The following ARFIP1 variants were observed in gnomAD, a reference collection of about 807,000 sequenced individuals.
ARFIP1 encodes the protein ARF interacting protein 1, also known as arfaptin-1.
In ARFIP1, 24 loss-of-function variants were observed where a neutral mutation model predicts 42.5. That is an observed-to-expected ratio of 0.57 (90% CI 0.41 to 0.80). The LOEUF (loss-of-function observed/expected upper bound fraction) is 0.80, where lower values mean the gene tolerates loss of function less well. ARFIP1 is among the 30% of genes least tolerant of loss of function. The pLI, the probability that ARFIP1 is intolerant of heterozygous loss-of-function variation, is 0.00. For synonymous variants in ARFIP1, 141 were observed against 153.7 expected (o/e 0.92, Z 0.61); for missense variants, 354 against 434.0 (o/e 0.82, Z 1.64).
chr4:152,785,325 TCAC>T (rs1282989468), intron 1 of ARFIP1, among the ~76,000 whole-genome samples: 1 of 152,214 alleles, frequency 6.6e-6, no homozygotes, highest in African/African-American at 2.4e-5. Flanking sequence ...GCAGATAACA[TCAC>T]CACATTAGAA....
At chr4:152,801,692 T>C (rs1728438642) in intron 1 of ARFIP1, among the ~76,000 whole-genome samples, 1 of 152,174 alleles carries the variant, frequency 6.6e-6, no homozygotes, top group African/African-American at 2.4e-5. Flanking sequence ...GTGGTCTGTT[T>C]TAGAAAAGTA....
intron 8 of ARFIP1, among the ~76,000 whole-genome samples, chr4:152,890,258 G>T (rs1390357035): frequency 2.6e-5 from 4 of 152,060 alleles, no homozygotes; most frequent in Non-Finnish European, 5.9e-5. Flanking sequence ...TGTGGCCTTG[G>T]AATGTGTACA....
chr4:152,906,162 G>A (rs1164000654), intron 8 of ARFIP1, among the ~76,000 whole-genome samples: 3 of 152,056 alleles, frequency 2.0e-5, no homozygotes, highest in Admixed American at 1.3e-4. Flanking sequence ...CAAGGGTCAA[G>A]GTTCATTTTT....
At chr4:152,861,003 T>G (rs894155849) in intron 2 of ARFIP1, among the ~76,000 whole-genome samples, 1 of 152,204 alleles carries the variant, frequency 6.6e-6, no homozygotes, top group African/African-American at 2.4e-5. Context: ...CAAATTGGCT[T>G]TTTTATACTT....
chr4:152,835,765 T>TA lies in ARFIP1; in HGVS notation c.93+6047dup, dbSNP rs1040987889. Reference sequence around the variant, plus strand: ...GAAATACATGAAACTGGGTAATTTATAAAAAAAAGAGTTTTATTTGGCTCA... The same window carrying TA: ...GAAATACATGAAACTGGGTAATTTATAAAAAAAAAGAGTTTTATTTGGCTCA... On this transcript the variant is annotated intron_variant, in intron 2 of 8. Transcript: ENST00000353617. Among the ~76,000 whole-genome samples, 25 of 152,136 alleles carry TA rather than the reference T, an allele frequency of 1.6e-4. No individual in the cohort carries two copies. In the East Asian group the frequency reaches 1.7e-3, roughly 11 times the overall value.
intron 1 of ARFIP1, among the ~76,000 whole-genome samples, chr4:152,785,098 C>T (rs1310438524): frequency 1.3e-5 from 2 of 152,180 alleles, no homozygotes; most frequent in Non-Finnish European, 2.9e-5. Context: ...GCCAGGCCCT[C>T]CTTGGTTCCT....
At chr4:152,848,059 T>A (rs1028951291) in intron 2 of ARFIP1, among the ~76,000 whole-genome samples, 2 of 152,150 alleles carry the variant, frequency 1.3e-5, no homozygotes, top group African/African-American at 2.4e-5. Flanking sequence ...CTGTAAGTTT[T>A]AAGTGATATC....
intron 1 of ARFIP1, among the ~76,000 whole-genome samples, chr4:152,819,832 C>T (rs1730217705): frequency 6.6e-6 from 1 of 152,178 alleles, no homozygotes; most frequent in Non-Finnish European, 1.5e-5. Context: ...ACTTCTCCCT[C>T]TTGCCCACCA....
chr4:152,846,076 T>A (rs1732513732), intron 2 of ARFIP1, among the ~76,000 whole-genome samples: 1 of 152,166 alleles, frequency 6.6e-6, no homozygotes, highest in Non-Finnish European at 1.5e-5. Context: ...ATCCACCTGT[T>A]TTTGTTGCTG....
chr4:152,889,514 T>TATATAC (rs1736547410), intron 8 of ARFIP1, among the ~76,000 whole-genome samples: 1 of 79,734 alleles, frequency 1.3e-5, no homozygotes, highest in Non-Finnish European at 2.7e-5. Context: ...TATATATATA[T>TATATAC]ATATATATAT....
At chr4:152,799,031 G>A (rs1472500365) in intron 1 of ARFIP1, among the ~76,000 whole-genome samples, 1 of 152,102 alleles carries the variant, frequency 6.6e-6, no homozygotes, top group Admixed American at 6.5e-5. Context: ...TAACATTTTG[G>A]CATCAGACAT....
chr4:152,828,007 C>T (rs1730974315), intron 1 of ARFIP1, among the ~76,000 whole-genome samples: 1 of 152,140 alleles, frequency 6.6e-6, no homozygotes, highest in African/African-American at 2.4e-5. Context: ...GCATAAATTT[C>T]CTCCATGTCT....
intron 6 of ARFIP1, among the ~76,000 whole-genome samples, chr4:152,882,219 T>TG (rs1338094626): frequency 6.6e-6 from 1 of 152,164 alleles, no homozygotes; most frequent in African/African-American, 2.4e-5. Flanking sequence ...GAGCTGAGCT[T>TG]GGGAGTCAGC....
intron 2 of ARFIP1, among the ~76,000 whole-genome samples, chr4:152,842,524 C>A (rs531686546): frequency 6.6e-6 from 1 of 152,196 alleles, no homozygotes; most frequent in African/African-American, 2.4e-5. Context: ...TTTTAGAATT[C>A]TCCTCTTCCT....
chr4:152,845,085 A>C (rs1190742470), intron 2 of ARFIP1, among the ~76,000 whole-genome samples: 1 of 152,242 alleles, frequency 6.6e-6, no homozygotes, highest in Non-Finnish European at 1.5e-5. Context: ...TTATTGACAA[A>C]GTCAACAAAA....
chr4:152,793,260 C>T (rs1353781688), intron 1 of ARFIP1, among the ~76,000 whole-genome samples: 1 of 148,606 alleles, frequency 6.7e-6, no homozygotes, highest in Non-Finnish European at 1.5e-5. Flanking sequence ...AAGAATGAGC[C>T]GAGATAGCAC....
At chr4:152,907,574 A>G (rs778820424) in intron 8 of ARFIP1, among the ~76,000 whole-genome samples, 2 of 152,138 alleles carry the variant, frequency 1.3e-5, no homozygotes, top group Non-Finnish European at 2.9e-5. Flanking sequence ...TAGTTTTGCC[A>G]CATATGAATA....
intron 1 of ARFIP1, among the ~76,000 whole-genome samples, chr4:152,806,207 C>G (rs1446160734): frequency 1.3e-5 from 2 of 152,214 alleles, no homozygotes; most frequent in Non-Finnish European, 2.9e-5. Context: ...CTGGATCAAA[C>G]ACAGGGAAAA....
chr4:152,873,350 A>G (rs1231090188), intron 5 of ARFIP1, among the ~76,000 whole-genome samples: 1 of 152,208 alleles, frequency 6.6e-6, no homozygotes, highest in African/African-American at 2.4e-5. Context: ...CATCTTCTCA[A>G]CAGTAAAACA....
Sources: allele counts gnomAD v4.1 joint callset (sites outside exome capture counted in the v4.1 genomes callset), GRCh38; gene constraint gnomAD v4.1.1; transcripts MANE v1.5; gene names NCBI Gene and HGNC (gene_info 2026-07-23, HGNC 2026-07-21).